CAPN1: variants seen among roughly 807,000 people sequenced by gnomAD.
The protein encoded by CAPN1 is calpain 1.
Under a neutral mutation model 105.2 loss-of-function variants are expected in CAPN1, and 77 were observed. The observed-to-expected ratio is 0.73, with a 90% confidence interval of 0.61 to 0.88. The LOEUF (loss-of-function observed/expected upper bound fraction) is 0.88, where lower values mean the gene tolerates loss of function less well. CAPN1 is among the 40% of genes least tolerant of loss of function. The probability of loss-of-function intolerance (pLI) is 0.00; values close to 1 mark genes in which losing one functional copy is unlikely to be tolerated. For missense variants in CAPN1, 833 were observed against 976.6 expected (o/e 0.85, Z 1.96); for synonymous variants, 355 against 388.8 (o/e 0.91, Z 1.02).
At position 65,203,200 on chromosome 11, in the gene CAPN1, T is replaced by C. The variant is rs28792683; in HGVS notation, c.1166-1483T>C. Among the ~76,000 whole-genome samples, 339 of 68,258 alleles carry C rather than the reference T, an allele frequency of 5.0e-3. 1 individual carries two copies. Among genetic ancestry groups the C allele is most frequent in the South Asian group, 0.032 (76 of 2,394 alleles). 44.8% of individuals were successfully genotyped at this position (68,258 alleles called of 152,430 possible). A position where few individuals can be genotyped will look rare whatever the true frequency, so the allele number is the denominator to read the frequency against. On this transcript the variant is annotated intron_variant, in intron 10 of 21. Transcript: ENST00000279247. ...TAATGCAGCCATTAACATTCTCTCT[T>C]TTTTTTTTTAAATGGAATCTTGCTC...
intron 10 of CAPN1, among the ~76,000 whole-genome samples, chr11:65,193,215 G>A (rs1439149862): frequency 7.0e-6 from 1 of 143,350 alleles, no homozygotes; most frequent in African/African-American, 2.6e-5. Flanking sequence ...ATCTGACCTT[G>A]TGATCCTCCT....
Position 65,206,396 on chromosome 11 carries a change from TG to T in CAPN1, c.1354-62del, listed in dbSNP as rs1948957460. 19 of 1,274,334 alleles carry T rather than the reference TG, an allele frequency of 1.5e-5. No homozygotes were observed. The Admixed American group carries it at 2.6e-4, about 17-fold the overall frequency. The allele number at this position is 1,274,334 out of a possible 1,614,324, so 78.9% of individuals were successfully genotyped here. A position where few individuals can be genotyped will look rare whatever the true frequency, so the allele number is the denominator to read the frequency against. ...GGACAAGGAGCCTGGAGTCTGGGTCTGGGGGTGGCCCCTGAGGGTGGGCTGA... is the reference window on the plus strand; with the variant it reads ...GGACAAGGAGCCTGGAGTCTGGGTCTGGGGTGGCCCCTGAGGGTGGGCTGA... On this transcript the variant is annotated intron_variant, in intron 12 of 21. Coordinates refer to ENST00000279247, the MANE Select transcript of CAPN1 (RefSeq NM_005186.4).
intron 10 of CAPN1, among the ~76,000 whole-genome samples, chr11:65,202,826 C>A (rs1948890978): frequency 6.6e-6 from 1 of 152,084 alleles, no homozygotes; most frequent in Admixed American, 6.6e-5. Flanking sequence ...GCAACCATCA[C>A]CACATCAATT....
chr11:65,206,043 G>A, intron 12 of CAPN1: 1 of 521,206 alleles, frequency 1.9e-6, no homozygotes, highest in Non-Finnish European at 3.5e-6. Context: ...TCAGGAGCAG[G>A]GCATTAGACA....
Position 65,204,766 on chromosome 11 carries a change from T to G in CAPN1, c.1249T>G (p.Cys417Gly), listed in dbSNP as rs1380440818. ...CGACTACGGGGACCGCGAGTCAGGC[T>G]GCAGCTTCGTGCTCGCCCTTATGCA... The part of the protein sequence containing the change: ...PDDYGDRESG[C>G]SFVLALMQKH... The change falls in exon 11 of 22, where the codon TGC becomes GGC. Residue 417 changes from cysteine (C) to glycine (G), a missense_variant. By Grantham distance (159) the Cys-to-Gly change is radical. Transcript: ENST00000279247. 2 of 1,613,154 alleles carry G rather than the reference T, an allele frequency of 1.2e-6. No individual in the cohort carries two copies. The highest frequency in any genetic ancestry group is 3.3e-5 in the Admixed American group (2 of 60,022).
chr11:65,183,136 G>T lies in CAPN1; in HGVS notation c.276G>T (p.Leu92=). Residue 92 remains leucine, a synonymous_variant, in exon 3 of 22, where the codon CTG becomes CTT. Coordinates refer to ENST00000279247, the MANE Select transcript of CAPN1 (RefSeq NM_005186.4). ...GIKWKRPTEL[L]SNPQFIVDGA... is the part of the protein sequence containing the mutation. ...CTCTGGGTCTCTCGTAGGAACTGCT[G>T]TCAAACCCCCAGTTCATTGTGGATG... is the stretch of plus-strand genomic sequence containing the variant. 1 of 1,613,894 alleles carries T rather than the reference G, an allele frequency of 6.2e-7. No homozygotes were observed. Among genetic ancestry groups the T allele is most frequent in the Non-Finnish European group, 8.5e-7 (1 of 1,179,848 alleles).
In CAPN1 at chr11:65,210,216, T is replaced by C; in HGVS notation, c.1942+120T>C. 8.7e-7 allele frequency: 1 copy of C among 1,143,836 alleles called. No homozygotes were observed. The highest frequency in any genetic ancestry group is 1.3e-6 in the Non-Finnish European group (1 of 767,228). 70.9% of individuals were successfully genotyped at this position (1,143,836 alleles called of 1,614,324 possible). ...GACATGGTAACAGCCATCTTGTCCT[T>C]TTCCCCACGGTTACTAGCACCCTGC... On this transcript the variant is annotated intron_variant, in intron 19 of 21. Coordinates refer to ENST00000279247, the MANE Select transcript of CAPN1 (RefSeq NM_005186.4). This position sits in a 1 kb window ranked among gnomAD's most constrained non-coding sequence, Gnocchi z 4.3.
chr11:65,184,594 G>A (rs914315989), intron 4 of CAPN1, among the ~76,000 whole-genome samples: 5 of 152,092 alleles, frequency 3.3e-5, no homozygotes, highest in African/African-American at 4.8e-5. Context: ...GGCCTTTGTG[G>A]CATCTCAGAA....
In CAPN1 at chr11:65,204,747, C is replaced by T. The variant is rs983553557; in HGVS notation, c.1230C>T (p.Tyr410=). The change falls in exon 11 of 22, where the codon TAC becomes TAT. Residue 410 remains tyrosine (Y), a synonymous_variant. Coordinates refer to ENST00000279247, the MANE Select transcript of CAPN1 (RefSeq NM_005186.4). ...RLDETDDPDD[Y]GDRESGCSFV... ...ATGAGACGGATGACCCGGACGACTA[C>T]GGGGACCGCGAGTCAGGCTGCAGCT... The T allele has an allele frequency of 1.2e-6, 2 of 1,613,126 alleles. No individual in the cohort carries two copies. The highest frequency in any genetic ancestry group is 1.1e-5 in the South Asian group (1 of 91,086).
At chr11:65,200,323 G>A (rs1327068960) in intron 10 of CAPN1, among the ~76,000 whole-genome samples, 2 of 151,886 alleles carry the variant, frequency 1.3e-5, no homozygotes, top group African/African-American at 4.8e-5. Flanking sequence ...TTACAGGCGT[G>A]AGTCTGAGTC....
rs756980532 is a variant in CAPN1, at chr11:65,206,644, G to A, written c.1535G>A (p.Arg512His). The A allele has an allele frequency of 4.3e-6, 7 of 1,613,328 alleles. No individual in the cohort carries two copies. The highest frequency in any genetic ancestry group is 3.3e-5 in the South Asian group (3 of 91,082). ...EPNKEGDFVL[R>H]FFSEKSAGTV... ...AACAAGGAGGGCGACTTCGTGCTGC[G>A]CTTCTTCTCAGAGAAGAGTGCTGGG... Residue 512 changes from arginine (R) to histidine (H), a missense_variant, in exon 13 of 22, where the codon CGC becomes CAC. Coordinates refer to ENST00000279247, the MANE Select transcript of CAPN1 (RefSeq NM_005186.4).
At chr11:65,193,179 G>A (rs2137342376) in intron 10 of CAPN1, among the ~76,000 whole-genome samples, 1 of 143,312 alleles carries the variant, frequency 7.0e-6, no homozygotes. Flanking sequence ...TTTTAGTAGA[G>A]ATGGGGTTTC....
chr11:65,206,135 C>A (rs1232370411), intron 12 of CAPN1: 1 of 525,644 alleles, frequency 1.9e-6, no homozygotes, highest in African/African-American at 1.9e-5. Flanking sequence ...AACAGCAGAA[C>A]AGCAAATGAG....
chr11:65,190,617 A>G lies in CAPN1; in HGVS notation c.1165+1871A>G, dbSNP rs573189242. Among the ~76,000 whole-genome samples the G allele has an allele frequency of 7.0e-4, 107 of 152,110 alleles. No individual in the cohort carries two copies. The South Asian group carries it at 0.021, about 30-fold the overall frequency. On this transcript the variant is annotated intron_variant, in intron 10 of 21. Coordinates refer to ENST00000279247, the MANE Select transcript of CAPN1 (RefSeq NM_005186.4). ...TATCCCTCTGCCGATAACACATTGA[A>G]TCCATTACTACAGATGTGTAAGTCC...
rs1949000266 is a variant in CAPN1, at chr11:65,208,682, G to A, written c.1729+420G>A. 1.4e-5 allele frequency: 4 copies of A among 295,188 alleles called. No homozygotes were observed. Among genetic ancestry groups the A allele is most frequent in the South Asian group, 1.0e-4 (3 of 29,746 alleles). 18.3% of individuals were successfully genotyped at this position (295,188 alleles called of 1,614,324 possible). A position where few individuals can be genotyped will look rare whatever the true frequency, so the allele number is the denominator to read the frequency against. ...TAGTCCCAGCTACTCAGGAGGCTGAGTTGGGAGGATGGCTTGAGACCAGGG... is the reference window on the plus strand; with the variant it reads ...TAGTCCCAGCTACTCAGGAGGCTGAATTGGGAGGATGGCTTGAGACCAGGG... On this transcript the variant is annotated intron_variant, in intron 16 of 21. Coordinates refer to ENST00000279247, the MANE Select transcript of CAPN1 (RefSeq NM_005186.4). The surrounding 1 kb of genome is among the most constrained non-coding windows in gnomAD (Gnocchi z 4.1).
At chr11:65,191,994 C>CT (rs952837087) in intron 10 of CAPN1, among the ~76,000 whole-genome samples, 3 of 152,010 alleles carry the variant, frequency 2.0e-5, no homozygotes, top group African/African-American at 7.2e-5. Context: ...TGATAGTATG[C>CT]TTTTTTCTTT....
chr11:65,204,782 C>T lies in CAPN1; in HGVS notation c.1265C>T (p.Ala422Val), dbSNP rs754176211. 8 of 1,613,072 alleles carry T rather than the reference C, an allele frequency of 5.0e-6. No homozygotes were observed. Among genetic ancestry groups the T allele is most frequent in the Non-Finnish European group, 6.8e-6 (8 of 1,179,788 alleles). Residue 422 changes from alanine to valine, a missense_variant, in exon 11 of 22, where the codon GCC becomes GTC. Transcript: ENST00000279247. ...GAGTCAGGCTGCAGCTTCGTGCTCG[C>T]CCTTATGCAGAAGCACCGTCGCCGC... is the stretch of plus-strand genomic sequence containing the variant. ...DRESGCSFVL[A>V]LMQKHRRRER...
At position 65,188,432 on chromosome 11, in the gene CAPN1, C is replaced by T. The variant is rs753801570; in HGVS notation, c.948C>T (p.Asn316=). ...CTCACAGCTCCTCAGAGTGGAACAACGTGGACCCATATGAACGGGACCAGC... is the reference window on the plus strand; with the variant it reads ...CTCACAGCTCCTCAGAGTGGAACAATGTGGACCCATATGAACGGGACCAGC... ...AWSDSSSEWN[N]VDPYERDQLR... Residue 316 remains asparagine, a synonymous_variant, in exon 9 of 22, where the codon AAC becomes AAT. Transcript: ENST00000279247. This position sits in a 1 kb window ranked among gnomAD's most constrained non-coding sequence, Gnocchi z 5.5. 13 of 1,612,300 alleles carry T rather than the reference C, an allele frequency of 8.1e-6. No individual in the cohort carries two copies. Among genetic ancestry groups the T allele is most frequent in the South Asian group, 5.5e-5 (5 of 90,724 alleles).
chr11:65,205,677 A>G, intron 11 of CAPN1, 33 bp from the exon 12 acceptor site: 1 of 1,612,602 alleles, frequency 6.2e-7, no homozygotes, highest in Non-Finnish European at 8.5e-7. Context: ...GGACAAACAC[A>G]CATCTCTGAC....
Sources: gnomAD v4.1 joint callset for allele counts (sites outside exome capture counted in the v4.1 genomes callset) on GRCh38, gnomAD v4.1.1 for gene constraint, Gnocchi (gnomAD v3.1) non-coding constraint, MANE v1.5 for transcripts, NCBI Gene and HGNC (gene_info 2026-07-23, HGNC 2026-07-21) for gene names.